The following RAB28 variants were observed in gnomAD, a reference collection of about 807,000 sequenced individuals.
RAB28 encodes the protein ras-related protein Rab-28.
Under a neutral mutation model 31.7 loss-of-function variants are expected in RAB28, and 24 were observed. The ratio of observed to expected loss-of-function variants is 0.76; its 90% CI spans 0.55 to 1.06. The LOEUF is 1.06. Among genes scored for constraint, RAB28 ranks in the 50% least tolerant of loss-of-function variants. The pLI is 0.00. For missense variants in RAB28, 254 were observed against 258.5 expected, an observed-to-expected ratio of 0.98 and a Z score of 0.12; for synonymous variants, 100 against 90.4, an observed-to-expected ratio of 1.11 and a Z score of -0.60.
chr4:13,481,708 A>G (rs1716613759), intron 1 of RAB28, among the ~76,000 whole-genome samples: 1 of 152,108 alleles, frequency 6.6e-6, no homozygotes, highest in Non-Finnish European at 1.5e-5. Flanking sequence ...AAATAGAAAC[A>G]CGTGATACTG....
At chr4:13,460,903 C>A (rs1220911837) in intron 3 of RAB28, 75 bp from the exon 4 acceptor site, 2 of 1,385,182 alleles carry the variant, frequency 1.4e-6, no homozygotes, top group Non-Finnish European at 1.0e-6. Flanking sequence ...TTGCGTAATG[C>A]TTCAGATATG....
In RAB28 at chr4:13,368,871, G is replaced by A. The variant is rs1728613970; in HGVS notation, c.574-221C>T. ...CAACTCAGCTACTGAGTTGTCCCTG[G>A]TTTTATGACATTAACTTGAGGTTAT... On this transcript the variant is annotated intron_variant, in intron 6 of 6. Coordinates refer to ENST00000330852, the MANE Select transcript of RAB28 (RefSeq NM_001017979.3). Among the ~76,000 whole-genome samples, 3 of 151,492 alleles carry A rather than the reference G, an allele frequency of 2.0e-5. No homozygotes were observed. In the South Asian group the frequency reaches 6.2e-4, roughly 31 times the overall value.
intron 4 of RAB28, among the ~76,000 whole-genome samples, chr4:13,427,264 C>T (rs73819853): frequency 0.056 from 8,471 of 152,216 alleles, 538 homozygotes; most frequent in African/African-American, 0.16. Context: ...TCTTAAAATA[C>T]TACTGCTTCC....
chr4:13,422,836 C>T (rs919396786), intron 4 of RAB28, among the ~76,000 whole-genome samples: 1 of 151,536 alleles, frequency 6.6e-6, no homozygotes, highest in Middle Eastern at 3.4e-3. Context: ...CAACATGGCA[C>T]ATGTACACCT....
intron 4 of RAB28, among the ~76,000 whole-genome samples, chr4:13,390,066 G>A (rs999248824): frequency 2.6e-5 from 4 of 152,128 alleles, no homozygotes; most frequent in African/African-American, 4.8e-5. Flanking sequence ...GAGCAACCAG[G>A]CAAGAGAAAG....
At chr4:13,393,415 G>A (rs73229652) in intron 4 of RAB28, among the ~76,000 whole-genome samples, 2,126 of 152,262 alleles carry the variant, frequency 0.014, 25 homozygotes, top group Middle Eastern at 0.044. Flanking sequence ...AGAAGTTTAC[G>A]TGCGAATAGG....
chr4:13,459,338 T>A (rs1290673285), intron 4 of RAB28, among the ~76,000 whole-genome samples: 2 of 152,162 alleles, frequency 1.3e-5, no homozygotes, highest in Non-Finnish European at 2.9e-5. Flanking sequence ...GAGTCAATTC[T>A]CCTTAATAAA....
At chr4:13,390,366 C>A (rs954636902) in intron 4 of RAB28, among the ~76,000 whole-genome samples, 2 of 151,898 alleles carry the variant, frequency 1.3e-5, no homozygotes, top group African/African-American at 2.4e-5. Context: ...TGAAGGACCT[C>A]TTTACCTCTT....
chr4:13,442,124 T>C (rs1179163812), intron 4 of RAB28, among the ~76,000 whole-genome samples: 1 of 152,228 alleles, frequency 6.6e-6, no homozygotes, highest in Non-Finnish European at 1.5e-5. Context: ...CAAGACTTTG[T>C]AGGCATTCAC....
chr4:13,402,796 T>A (rs1410717451), intron 4 of RAB28, among the ~76,000 whole-genome samples: 9 of 152,002 alleles, frequency 5.9e-5, no homozygotes, highest in South Asian at 2.1e-4. Context: ...TTATTATTTT[T>A]TTATTATTAT....
chr4:13,470,022 G>A (rs1334249943), intron 3 of RAB28, among the ~76,000 whole-genome samples: 2 of 152,118 alleles, frequency 1.3e-5, no homozygotes, highest in Admixed American at 6.6e-5. Flanking sequence ...AAACACTGGT[G>A]CCTACCAAGT....
chr4:13,403,996 C>G (rs998196502), intron 4 of RAB28, among the ~76,000 whole-genome samples: 1 of 152,146 alleles, frequency 6.6e-6, no homozygotes, highest in African/African-American at 2.4e-5. Flanking sequence ...GTAACAAACT[C>G]TCAGAAGATG....
chr4:13,376,404 C>G (rs9998324), intron 6 of RAB28, 141 bp downstream of exon 6: 13,365 of 531,594 alleles, frequency 0.025, 282 homozygotes, highest in African/African-American at 0.082. Context: ...GCAATAAACA[C>G]TGATTCATAC....
Position 13,484,182 on chromosome 4 carries a change from G to GT in RAB28, c.-33dup. The GT allele has an allele frequency of 6.4e-7, 1 of 1,550,922 alleles. No homozygotes were observed. Among genetic ancestry groups the GT allele is most frequent in the Non-Finnish European group, 8.8e-7 (1 of 1,142,360 alleles). On this transcript the variant is annotated 5_prime_UTR_variant, in exon 1 of 7. Transcript: ENST00000330852. ...CCGGGAACCAGGCCCGCCCCTCGAGGTGGGGGGGGAAGGGAAGGATGAAGG... is the reference window on the plus strand; with the variant it reads ...CCGGGAACCAGGCCCGCCCCTCGAGGTTGGGGGGGGAAGGGAAGGATGAAGG...
In RAB28 at chr4:13,474,412, AT is replaced by A. The variant is rs1577249434; in HGVS notation, c.173-7del. 6.6e-7 allele frequency: 1 copy of A among 1,508,766 alleles called. No individual in the cohort carries two copies. Among genetic ancestry groups the A allele is most frequent in the African/African-American group, 1.4e-5 (1 of 71,684 alleles). 93.5% of individuals were successfully genotyped at this position (1,508,766 alleles called of 1,614,324 possible). ...AAGGGTAACATTCAAGTTTCCTAGA[AT>A]ATAAAAAATGAATATAAAAATAAGA... On this transcript the variant is annotated splice_region_variant and splice_polypyrimidine_tract_variant and intron_variant, in intron 2 of 6. Transcript: ENST00000330852.
intron 1 of RAB28, among the ~76,000 whole-genome samples, chr4:13,480,550 G>C (rs141268537): frequency 6.6e-6 from 1 of 151,888 alleles, no homozygotes; most frequent in African/African-American, 2.4e-5. Flanking sequence ...GACATAAGCA[G>C]TACAATAGTG....
chr4:13,409,801 C>T (rs1712319966), intron 4 of RAB28, among the ~76,000 whole-genome samples: 1 of 152,062 alleles, frequency 6.6e-6, no homozygotes, highest in South Asian at 2.1e-4. Context: ...AACATATTTC[C>T]ACTTTAGCCA....
intron 3 of RAB28, among the ~76,000 whole-genome samples, chr4:13,471,151 A>G (rs1348244709): frequency 6.6e-6 from 1 of 152,112 alleles, no homozygotes; most frequent in Non-Finnish European, 1.5e-5. Context: ...ACATCTCTGA[A>G]GATTTCTGTC....
chr4:13,388,296 T>G (rs1560272050), intron 4 of RAB28, among the ~76,000 whole-genome samples: 1 of 152,096 alleles, frequency 6.6e-6, no homozygotes, highest in Non-Finnish European at 1.5e-5. Flanking sequence ...CAAATTATGT[T>G]GAGAAAACTG....
Sources: gnomAD v4.1 joint callset for allele counts (sites outside exome capture counted in the v4.1 genomes callset) on GRCh38, gnomAD v4.1.1 for gene constraint, MANE v1.5 for transcripts, NCBI Gene and HGNC (gene_info 2026-07-23, HGNC 2026-07-21) for gene names.